The following ZFPM2 variants were observed in gnomAD, a reference collection of about 807,000 sequenced individuals.
The protein encoded by ZFPM2 is zinc finger protein ZFPM2.
ZFPM2 carries 20 observed loss-of-function variants against 98.6 expected under a neutral mutation model. The ratio of observed to expected loss-of-function variants is 0.20; its 90% CI spans 0.14 to 0.29. The LOEUF is 0.29. ZFPM2 is among the 10% of genes least tolerant of loss of function. ZFPM2 has a pLI of 1.00. For missense variants in ZFPM2, 1,310 were observed against 1,388.6 expected, an observed-to-expected ratio of 0.94 and a Z score of 0.90; for synonymous variants, 518 against 502.7, an observed-to-expected ratio of 1.03 and a Z score of -0.41.
chr8:105,803,057 A>T lies in ZFPM2; in HGVS notation c.2975A>T (p.Tyr992Phe), dbSNP rs1219757715. Residue 992 changes from tyrosine to phenylalanine, a missense_variant, in exon 8 of 8, where the codon TAT becomes TTT. By Grantham distance (22) the Tyr-to-Phe change is conservative. Coordinates refer to ENST00000407775, the MANE Select transcript of ZFPM2 (RefSeq NM_012082.4). ...SPYYGIKPSD[Y>F]ISGSLVIHNT... Reference sequence around the variant, plus strand: ...TATTATGGAATCAAGCCAAGTGATTATATTTCTGGTTCTCTTGTCATCCAT... The same window carrying T: ...TATTATGGAATCAAGCCAAGTGATTTTATTTCTGGTTCTCTTGTCATCCAT... 1.9e-6 allele frequency: 3 copies of T among 1,613,690 alleles called. No homozygotes were observed. The highest frequency in any genetic ancestry group is 1.7e-5 in the Admixed American group (1 of 59,960).
chr8:105,712,460 A>G (rs541322376), intron 5 of ZFPM2, among the ~76,000 whole-genome samples: 1 of 152,196 alleles, frequency 6.6e-6, no homozygotes, highest in Admixed American at 6.6e-5. Flanking sequence ...ATTAACTGTG[A>G]GGAAACTGAT....
intron 2 of ZFPM2, among the ~76,000 whole-genome samples, chr8:105,429,890 A>G (rs949698587): frequency 6.6e-6 from 1 of 152,196 alleles, no homozygotes; most frequent in African/African-American, 2.4e-5. Context: ...TCACACTGTT[A>G]ATTGTCAAAT....
intron 5 of ZFPM2, among the ~76,000 whole-genome samples, chr8:105,762,949 C>T (rs1356773005): frequency 5.3e-5 from 8 of 150,738 alleles, no homozygotes; most frequent in Non-Finnish European, 7.4e-5. Context: ...TAAAATTCCT[C>T]GTCAAATTTG....
At chr8:105,717,377 T>G (rs1294590317) in intron 5 of ZFPM2, among the ~76,000 whole-genome samples, 1 of 152,030 alleles carries the variant, frequency 6.6e-6, no homozygotes, top group African/African-American at 2.4e-5. Context: ...ATAACATCAG[T>G]ATTGTCATTA....
At chr8:105,652,411 A>G (rs1817200463) in intron 5 of ZFPM2, among the ~76,000 whole-genome samples, 1 of 151,038 alleles carries the variant, frequency 6.6e-6, no homozygotes, top group Non-Finnish European at 1.5e-5. Context: ...AAACAACAGT[A>G]GGGTCAACCA....
At chr8:105,497,270 C>T (rs888607105) in intron 3 of ZFPM2, among the ~76,000 whole-genome samples, 79 of 152,154 alleles carry the variant, frequency 5.2e-4, no homozygotes, top group Non-Finnish European at 1.0e-3. Context: ...CAGGCATGAG[C>T]CACCAAGCCT....
intron 1 of ZFPM2, among the ~76,000 whole-genome samples, chr8:105,331,334 G>T (rs2129635972): frequency 6.6e-6 from 1 of 151,648 alleles, no homozygotes; most frequent in African/African-American, 2.4e-5. Context: ...AAGAGTATGA[G>T]TTTGGGATGC....
intron 3 of ZFPM2, among the ~76,000 whole-genome samples, chr8:105,513,188 A>T (rs1184025937): frequency 6.6e-6 from 1 of 152,204 alleles, no homozygotes; most frequent in Non-Finnish European, 1.5e-5. Context: ...AGTCAAATTT[A>T]GTAAATTACA....
intron 3 of ZFPM2, among the ~76,000 whole-genome samples, chr8:105,459,422 C>A (rs1812662164): frequency 6.6e-6 from 1 of 152,058 alleles, no homozygotes; most frequent in Non-Finnish European, 1.5e-5. Context: ...CATATGTACC[C>A]TAGGGGCTCT....
chr8:105,777,202 A>G (rs1309854841), intron 5 of ZFPM2, among the ~76,000 whole-genome samples: 1 of 152,216 alleles, frequency 6.6e-6, no homozygotes, highest in Non-Finnish European at 1.5e-5. Context: ...GTTCTTAAGC[A>G]ATTAAATGTT....
intron 1 of ZFPM2, among the ~76,000 whole-genome samples, chr8:105,334,723 CT>C (rs1812295418): frequency 6.6e-6 from 1 of 151,706 alleles, no homozygotes; most frequent in South Asian, 2.1e-4. Flanking sequence ...TCTCTCACCC[CT>C]ATCAAATGTT....
intron 3 of ZFPM2, among the ~76,000 whole-genome samples, chr8:105,450,577 A>T (rs1232246696): frequency 6.6e-6 from 1 of 152,122 alleles, no homozygotes. Flanking sequence ...TCACATTTGC[A>T]TTTCAATCTT....
At chr8:105,789,139 G>C (rs1476988378) in intron 6 of ZFPM2, 1 of 445,178 alleles carries the variant, frequency 2.2e-6, no homozygotes, top group African/African-American at 2.0e-5. Flanking sequence ...CAATGTGCAG[G>C]TTAGTTACAT....
chr8:105,323,752 T>C (rs1030364811), intron 1 of ZFPM2, among the ~76,000 whole-genome samples: 3 of 151,902 alleles, frequency 2.0e-5, no homozygotes, highest in African/African-American at 7.2e-5. Flanking sequence ...AGATCATTAG[T>C]CATGAAGTTA....
intron 3 of ZFPM2, among the ~76,000 whole-genome samples, chr8:105,560,459 T>C (rs1815108784): frequency 6.6e-6 from 1 of 151,998 alleles, no homozygotes. Context: ...TGATATGGCA[T>C]GGTAATACTC....
At chr8:105,796,956 C>T (rs1490650537) in intron 6 of ZFPM2, 1 of 152,258 alleles carries the variant, frequency 6.6e-6, no homozygotes, top group Non-Finnish European at 1.5e-5. Context: ...CATCACCTCT[C>T]CATCCTCTGT....
At chr8:105,739,292 G>A (rs972624545) in intron 5 of ZFPM2, among the ~76,000 whole-genome samples, 2 of 152,010 alleles carry the variant, frequency 1.3e-5, no homozygotes, top group Non-Finnish European at 2.9e-5. Flanking sequence ...GCATGGTAAC[G>A]GATACAGATC....
intron 2 of ZFPM2, among the ~76,000 whole-genome samples, chr8:105,422,890 A>G (rs574986085): frequency 1.4e-4 from 22 of 152,342 alleles, no homozygotes; most frequent in African/African-American, 4.8e-4. Flanking sequence ...ATTTCTGAAG[A>G]CATAGCTTAT....
intron 5 of ZFPM2, among the ~76,000 whole-genome samples, chr8:105,653,099 G>A (rs1817212472): frequency 6.6e-6 from 1 of 152,128 alleles, no homozygotes. Flanking sequence ...CTTGCATTTT[G>A]ACTAGAGATA....
Sources: allele counts gnomAD v4.1 joint callset (sites outside exome capture counted in the v4.1 genomes callset), GRCh38; gene constraint gnomAD v4.1.1; transcripts MANE v1.5; gene names NCBI Gene and HGNC (gene_info 2026-07-23, HGNC 2026-07-21).